The following ARID5B variants were observed in gnomAD, a reference collection of about 807,000 sequenced individuals.
ARID5B encodes the protein AT-rich interaction domain 5B, also known as AT-rich interactive domain-containing protein 5B.
A neutral mutation model predicts 97.2 loss-of-function variants in ARID5B; 13 were observed. The ratio of observed to expected loss-of-function variants is 0.13; its 90% confidence interval spans 0.09 to 0.21. ARID5B has a LOEUF of 0.21. Ranked by LOEUF, ARID5B falls within the 10% of genes least tolerant of loss-of-function variation. The pLI, the probability that ARID5B is intolerant of heterozygous loss-of-function variation, is 1.00. For missense variants in ARID5B, 1,210 were observed against 1,465.3 expected (o/e 0.83, Z 2.84); for synonymous variants, 556 against 570.3 (o/e 0.97, Z 0.36).
chr10:62,046,539 G>A (rs1304985479), intron 4 of ARID5B: 1 of 152,234 alleles, frequency 6.6e-6, no homozygotes, highest in Non-Finnish European at 1.5e-5. Flanking sequence ...ACATGGGTTA[G>A]CTGTCAGAGT....
At chr10:62,064,188 G>A (rs749433760) in intron 7 of ARID5B, among the ~76,000 whole-genome samples, 4 of 152,174 alleles carry the variant, frequency 2.6e-5, no homozygotes, top group Non-Finnish European at 5.9e-5. Context: ...GACATCCTCT[G>A]AATCTAACCC....
At chr10:62,061,611 T>C (rs1387771545) in intron 7 of ARID5B, among the ~76,000 whole-genome samples, 2 of 152,188 alleles carry the variant, frequency 1.3e-5, no homozygotes, top group African/African-American at 4.8e-5. Flanking sequence ...CCAAAGTTAT[T>C]CATTAGGCTG....
chr10:61,973,686 G>C (rs1013431511), intron 3 of ARID5B, among the ~76,000 whole-genome samples: 1 of 152,058 alleles, frequency 6.6e-6, no homozygotes, highest in African/African-American at 2.4e-5. Context: ...AAAGAGTATG[G>C]TTTACCAGCC....
intron 3 of ARID5B, among the ~76,000 whole-genome samples, chr10:61,992,453 A>G (rs1289326039): frequency 6.6e-6 from 1 of 152,184 alleles, no homozygotes; most frequent in Non-Finnish European, 1.5e-5. Context: ...AAAAGCTGAT[A>G]GTAACATTTT....
intron 4 of ARID5B, among the ~76,000 whole-genome samples, chr10:62,037,228 T>C (rs1240026105): frequency 1.3e-5 from 2 of 152,222 alleles, no homozygotes; most frequent in African/African-American, 2.4e-5. Flanking sequence ...CTCTGTATTA[T>C]GTTTCCAGGC....
chr10:62,019,095 T>C (rs1056125665), intron 4 of ARID5B, among the ~76,000 whole-genome samples: 1 of 152,124 alleles, frequency 6.6e-6, no homozygotes, highest in Non-Finnish European at 1.5e-5. Context: ...CCTGGAGGTG[T>C]TGGAGCTCTG....
intron 3 of ARID5B, among the ~76,000 whole-genome samples, chr10:61,973,014 C>G (rs1473982981): frequency 1.3e-5 from 2 of 152,108 alleles, no homozygotes; most frequent in Admixed American, 6.5e-5. Context: ...GTTTCTATAT[C>G]CAGAATTCTA....
At chr10:62,053,469 T>C (rs564526110) in intron 5 of ARID5B, among the ~76,000 whole-genome samples, 2 of 152,274 alleles carry the variant, frequency 1.3e-5, no homozygotes, top group East Asian at 3.9e-4. Flanking sequence ...ATTACATGGC[T>C]CCCCAAAGAC....
intron 4 of ARID5B, among the ~76,000 whole-genome samples, chr10:62,039,316 G>T (rs183693703): frequency 1.9e-3 from 288 of 152,330 alleles, no homozygotes; most frequent in African/African-American, 6.5e-3. Context: ...GATATTGATT[G>T]CATGTTTCAT....
At chr10:61,948,588 G>C (rs1838276179) in intron 3 of ARID5B, among the ~76,000 whole-genome samples, 1 of 151,968 alleles carries the variant, frequency 6.6e-6, no homozygotes, top group African/African-American at 2.4e-5. Context: ...GGATGGCCTC[G>C]ATCTCCTGAC....
At chr10:61,983,314 C>G (rs1194285110) in intron 3 of ARID5B, among the ~76,000 whole-genome samples, 2 of 152,136 alleles carry the variant, frequency 1.3e-5, no homozygotes, top group Non-Finnish European at 2.9e-5. Context: ...TGAAGAATTG[C>G]AATGGCTTTG....
At chr10:62,073,336 CA>C (rs1840089500) in intron 8 of ARID5B, among the ~76,000 whole-genome samples, 1 of 152,154 alleles carries the variant, frequency 6.6e-6, no homozygotes, top group Non-Finnish European at 1.5e-5. Context: ...TTTCATTTTA[CA>C]ACAAGAAAAA....
At chr10:61,951,372 G>A (rs1838322525) in intron 3 of ARID5B, among the ~76,000 whole-genome samples, 1 of 152,170 alleles carries the variant, frequency 6.6e-6, no homozygotes, top group Non-Finnish European at 1.5e-5. Flanking sequence ...TAAAACCCCA[G>A]AGCCTGTGCC....
At chr10:62,042,979 G>C (rs7083509) in intron 4 of ARID5B, among the ~76,000 whole-genome samples, 2,843 of 150,974 alleles carry the variant, frequency 0.019, 97 homozygotes, top group African/African-American at 0.066. Flanking sequence ...ATAGGCTCCT[G>C]ATCCTCAGGA....
intron 9 of ARID5B, among the ~76,000 whole-genome samples, chr10:62,087,360 T>C (rs1199676368): frequency 6.7e-6 from 1 of 149,560 alleles, no homozygotes; most frequent in Non-Finnish European, 1.5e-5. Context: ...AGGGGAATTT[T>C]GAAATGGTTC....
At chr10:61,954,380 T>A (rs1394730260) in intron 3 of ARID5B, among the ~76,000 whole-genome samples, 2 of 151,362 alleles carry the variant, frequency 1.3e-5, no homozygotes, top group East Asian at 3.9e-4. Flanking sequence ...AATAAATAAA[T>A]AAAAATAAAA....
intron 2 of ARID5B, among the ~76,000 whole-genome samples, chr10:61,905,491 G>A (rs2132751293): frequency 6.7e-6 from 1 of 149,084 alleles, no homozygotes; most frequent in East Asian, 2.0e-4. Context: ...GTAATAAATT[G>A]TGGGAGGCTG....
At chr10:61,912,630 G>C (rs1843824813) in intron 2 of ARID5B, among the ~76,000 whole-genome samples, 1 of 148,582 alleles carries the variant, frequency 6.7e-6, no homozygotes, top group South Asian at 2.1e-4. Context: ...ATATATATAG[G>C]CATATATATA....
intron 4 of ARID5B, among the ~76,000 whole-genome samples, chr10:62,021,432 C>A (rs1184292148): frequency 6.6e-6 from 1 of 152,122 alleles, no homozygotes; most frequent in African/African-American, 2.4e-5. Context: ...TGGGAAAATT[C>A]TGTAAACATG....
Sources: allele counts gnomAD v4.1 joint callset (sites outside exome capture counted in the v4.1 genomes callset), GRCh38; gene constraint gnomAD v4.1.1; transcripts MANE v1.5; gene names NCBI Gene and HGNC (gene_info 2026-07-23, HGNC 2026-07-21).